Variants in MAP3K20 observed in about 807,000 individuals in gnomAD.
MAP3K20 encodes HCCS-4.
A neutral mutation model predicts 85.7 loss-of-function variants in MAP3K20; 40 were observed. The ratio of observed to expected loss-of-function variants is 0.47; its 90% confidence interval spans 0.36 to 0.61. The LOEUF (loss-of-function observed/expected upper bound fraction) is 0.61, where lower values mean the gene tolerates loss of function less well. Among genes scored for constraint, MAP3K20 ranks in the 20% least tolerant of loss-of-function variants. MAP3K20 has a pLI of 0.00. For missense variants in MAP3K20, 817 were observed against 961.7 expected, an observed-to-expected ratio of 0.85 and a Z score of 1.99; for synonymous variants, 325 against 327.7, an observed-to-expected ratio of 0.99 and a Z score of 0.09.
At chr2:173,148,572 A>G (rs775974722) in intron 2 of MAP3K20, among the ~76,000 whole-genome samples, 6 of 152,224 alleles carry the variant, frequency 3.9e-5, no homozygotes, top group Non-Finnish European at 8.8e-5. Context: ...CTAGGACAGC[A>G]GGAAAGACAA....
intron 1 of MAP3K20, among the ~76,000 whole-genome samples, chr2:173,088,811 TTAAC>T (rs1199884267): frequency 6.6e-6 from 1 of 152,214 alleles, no homozygotes; most frequent in Non-Finnish European, 1.5e-5. Context: ...TTTTCCATGT[TTAAC>T]TAAATAGGAA....
At chr2:173,091,536 A>C (rs770483553) in intron 2 of MAP3K20, among the ~76,000 whole-genome samples, 36 of 152,148 alleles carry the variant, frequency 2.4e-4, no homozygotes, top group Non-Finnish European at 4.4e-4. Context: ...GGGTCGGTAA[A>C]GAGTAATGTG....
At chr2:173,265,085 G>A (rs1042086146) in intron 19 of MAP3K20, among the ~76,000 whole-genome samples, 1 of 152,206 alleles carries the variant, frequency 6.6e-6, no homozygotes, top group East Asian at 1.9e-4. Flanking sequence ...CTGAAGCCTG[G>A]GAGGAGTCTC....
In MAP3K20 at chr2:173,081,444, T is replaced by C. The variant is rs75113837; in HGVS notation, c.-35+5442T>C. ...GAATAAGCACACGAGGAACATGGGA[T>C]TGGTCCTAATAAAGAGTCCTGCACC... On this transcript the variant is annotated intron_variant, in intron 1 of 19. Coordinates refer to ENST00000375213, the MANE Select transcript of MAP3K20 (RefSeq NM_016653.3). Among the ~76,000 whole-genome samples the C allele has an allele frequency of 5.2e-3, 785 of 152,298 alleles. 8 individuals are homozygous for C. The highest frequency in any genetic ancestry group is 0.017 in the African/African-American group (718 of 41,548).
Position 173,226,695 on chromosome 2 carries a change from T to G in MAP3K20, c.988-2994T>G, listed in dbSNP as rs557077200. ...CTTCAAAACTAGAGTTCCAAGCACC[T>G]ACATTAATTATTTTATATTGTGTGC... On this transcript the variant is annotated intron_variant, in intron 11 of 19. Coordinates refer to ENST00000375213, the MANE Select transcript of MAP3K20 (RefSeq NM_016653.3). 1.3e-5 allele frequency: 13 copies of G among 985,866 alleles called. No individual in the cohort carries two copies. In the South Asian group the frequency reaches 5.6e-4, roughly 43 times the overall value. The allele number at this position is 985,866 out of a possible 1,614,324, so 61.1% of individuals were successfully genotyped here. A position where few individuals can be genotyped will look rare whatever the true frequency, so the allele number is the denominator to read the frequency against.
chr2:173,244,121 G>T (rs1338077160), intron 16 of MAP3K20, among the ~76,000 whole-genome samples: 1 of 152,214 alleles, frequency 6.6e-6, no homozygotes, highest in Non-Finnish European at 1.5e-5. Context: ...TCACTAGCTG[G>T]AGACGCAGCA....
At chr2:173,254,433 C>CAAAAAA (rs755879153) in intron 16 of MAP3K20, among the ~76,000 whole-genome samples, 1 of 65,998 alleles carries the variant, frequency 1.5e-5, no homozygotes, top group Non-Finnish European at 3.4e-5. Flanking sequence ...GACTTCGTCT[C>CAAAAAA]AAAAAAAAAA....
intron 16 of MAP3K20, among the ~76,000 whole-genome samples, chr2:173,240,240 T>C (rs1456490197): frequency 6.6e-6 from 1 of 152,198 alleles, no homozygotes; most frequent in Non-Finnish European, 1.5e-5. Flanking sequence ...TGCAGGTTGC[T>C]CTGGTCTCAG....
intron 1 of MAP3K20, among the ~76,000 whole-genome samples, chr2:173,082,170 T>C (rs557810669): frequency 2.3e-3 from 349 of 152,082 alleles, no homozygotes; most frequent in Middle Eastern, 6.8e-3. Context: ...CCTGGCTAAT[T>C]TTTATTTATT....
chr2:173,140,093 C>T (rs1016437431), intron 2 of MAP3K20, among the ~76,000 whole-genome samples: 1 of 152,080 alleles, frequency 6.6e-6, no homozygotes, highest in Non-Finnish European at 1.5e-5. Context: ...CTCACTGCAA[C>T]CTCCGCCTCC....
chr2:173,224,132 G>A, intron 11 of MAP3K20: 2 of 854,336 alleles, frequency 2.3e-6, no homozygotes, highest in Non-Finnish European at 2.8e-6. Flanking sequence ...ATAAGTATAT[G>A]CCAAAAAATG....
At chr2:173,115,123 CT>C (rs752471494) in intron 2 of MAP3K20, among the ~76,000 whole-genome samples, 8 of 152,116 alleles carry the variant, frequency 5.3e-5, no homozygotes, top group Middle Eastern at 3.4e-3. Context: ...TTTTCTTTGT[CT>C]TTGTTGGATT....
At chr2:173,231,648 G>T (rs1201447857) in intron 12 of MAP3K20, among the ~76,000 whole-genome samples, 1 of 152,208 alleles carries the variant, frequency 6.6e-6, no homozygotes. Context: ...CCAAGGTACT[G>T]TGAGAGGCCA....
In MAP3K20 at chr2:173,112,136, G is replaced by A. The variant is rs144665292; in HGVS notation, c.159+20946G>A. 2.9e-3 allele frequency among the ~76,000 whole-genome samples: 445 copies of A among 152,178 alleles called. 4 individuals are homozygous for A. Among genetic ancestry groups the A allele is most frequent in the East Asian group, 0.011 (56 of 5,180 alleles). On this transcript the variant is annotated intron_variant, in intron 2 of 19. Transcript: ENST00000375213. The stretch of plus-strand genomic sequence containing the variant: ...CTTATAGAGGGCTTTTGACTCCTTC[G>A]TTAGGTATATTCCTAAGTATTTTAT...
At chr2:173,084,480 A>G (rs1205854212) in intron 1 of MAP3K20, among the ~76,000 whole-genome samples, 1 of 152,184 alleles carries the variant, frequency 6.6e-6, no homozygotes, top group Admixed American at 6.5e-5. Flanking sequence ...TTATGAAAAA[A>G]GCTTAAAAGA....
At chr2:173,100,679 G>A (rs1687613106) in intron 2 of MAP3K20, among the ~76,000 whole-genome samples, 1 of 152,108 alleles carries the variant, frequency 6.6e-6, no homozygotes, top group East Asian at 1.9e-4. Flanking sequence ...TTTCTGTAGG[G>A]TTCCTGATGT....
chr2:173,247,392 A>C (rs1256504456), intron 16 of MAP3K20, among the ~76,000 whole-genome samples: 2 of 152,224 alleles, frequency 1.3e-5, no homozygotes, highest in Non-Finnish European at 2.9e-5. Flanking sequence ...CATGAATAAA[A>C]TAACAGGGCA....
At chr2:173,221,257 C>CG in intron 11 of MAP3K20, 1 of 1,613,882 alleles carries the variant, frequency 6.2e-7, no homozygotes, top group South Asian at 1.1e-5. Flanking sequence ...CAACAAGTAA[C>CG]GGGGAGGGCC....
In MAP3K20 at chr2:173,255,072, T is replaced by C. The variant is rs1461452587; in HGVS notation, c.1360-3627T>C. Among the ~76,000 whole-genome samples the C allele has an allele frequency of 2.0e-5, 3 of 152,234 alleles. No individual in the cohort carries two copies. In the East Asian group the frequency reaches 5.8e-4, roughly 29 times the overall value. On this transcript the variant is annotated intron_variant, in intron 16 of 19. Transcript: ENST00000375213. Reference sequence around the variant, plus strand: ...TTCCTTCTGTAGCTACCTTCTTTTATGGTTCAGGTAAAAGCCTTTCTTTAG... The same window carrying C: ...TTCCTTCTGTAGCTACCTTCTTTTACGGTTCAGGTAAAAGCCTTTCTTTAG...
Sources: gnomAD v4.1 joint callset for allele counts (sites outside exome capture counted in the v4.1 genomes callset) on GRCh38, gnomAD v4.1.1 for gene constraint, MANE v1.5 for transcripts, NCBI Gene and HGNC (gene_info 2026-07-23, HGNC 2026-07-21) for gene names.